MYO1H: variants seen among roughly 807,000 people sequenced by gnomAD.
MYO1H encodes myosin IH.
In MYO1H, 118 loss-of-function variants were observed where a neutral mutation model predicts 149.3. The ratio of observed to expected loss-of-function variants is 0.79; its 90% CI spans 0.68 to 0.92. MYO1H has a LOEUF of 0.92. Among genes scored for constraint, MYO1H ranks in the 40% least tolerant of loss-of-function variants. The probability of loss-of-function intolerance (pLI) is 0.00; values close to 1 mark genes in which losing one functional copy is unlikely to be tolerated. For missense variants in MYO1H, 1,212 were observed against 1,280.7 expected (o/e 0.95, Z 0.82); for synonymous variants, 447 against 465.2 (o/e 0.96, Z 0.50).
At chr12:109,406,178 G>T in intron 8 of MYO1H, 143 bp downstream of exon 8, 1 of 621,694 alleles carries the variant, frequency 1.6e-6, no homozygotes, top group South Asian at 2.0e-5. Context: ...AAAGAGTGGG[G>T]GTTTGAAGGA....
the MYO1H span, among the ~76,000 whole-genome samples, chr12:109,314,270 A>G: frequency 5.1e-5 from 7 of 137,680 alleles, no homozygotes; most frequent in African/African-American, 8.3e-5. Flanking sequence ...CTTGGCTGGT[A>G]TTACTGAATA....
intron 1 of MYO1H, among the ~76,000 whole-genome samples, chr12:109,355,853 G>A (rs991220317): frequency 6.7e-6 from 1 of 150,290 alleles, no homozygotes; most frequent in African/African-American, 2.5e-5. Flanking sequence ...GATTACAGGT[G>A]TGTGCTGCCA....
At chr12:109,348,844 G>A (rs1868396044) in intron 1 of MYO1H, among the ~76,000 whole-genome samples, 1 of 152,200 alleles carries the variant, frequency 6.6e-6, no homozygotes, top group Non-Finnish European at 1.5e-5. Context: ...ATTTATGGAT[G>A]TAGTTAGAAT....
chr12:109,355,244 C>T (rs75131153), intron 1 of MYO1H, among the ~76,000 whole-genome samples: 18,446 of 152,068 alleles, frequency 0.12, 1,255 homozygotes, highest in African/African-American at 0.18. Context: ...TGTATTCACA[C>T]GACTTCAGGG....
intron 17 of MYO1H, among the ~76,000 whole-genome samples, 184 bp downstream of exon 17, chr12:109,425,012 G>A (rs1286394326): frequency 6.6e-6 from 1 of 152,120 alleles, no homozygotes; most frequent in Non-Finnish European, 1.5e-5. Flanking sequence ...CCTCACATCT[G>A]TAATCCCAGC....
the MYO1H span, among the ~76,000 whole-genome samples, chr12:109,324,203 G>A: frequency 1.3e-5 from 2 of 152,184 alleles, no homozygotes; most frequent in Non-Finnish European, 2.9e-5. Context: ...TGACCAGAAT[G>A]CCTACAGGTG....
the MYO1H span, among the ~76,000 whole-genome samples, chr12:109,319,071 A>G: frequency 6.7e-6 from 1 of 148,620 alleles, no homozygotes; most frequent in African/African-American, 2.5e-5. Flanking sequence ...TCCATGTTCT[A>G]AGCGTATACC....
chr12:109,362,692 T>C (rs1868780678), intron 1 of MYO1H, among the ~76,000 whole-genome samples: 1 of 152,198 alleles, frequency 6.6e-6, no homozygotes. Context: ...CTTCTTGGTA[T>C]TTCCGTGTCT....
rs566775898 is a variant in MYO1H at position 109,392,935 on chromosome 12, G to A, written c.175-396G>A. Among the ~76,000 whole-genome samples, 24 of 151,242 alleles carry A rather than the reference G, an allele frequency of 1.6e-4. 1 individual carries two copies. The highest frequency in any genetic ancestry group is 3.4e-4 in the Non-Finnish European group (23 of 67,768). ...AGAGATTCTCCTGCCTCCGCCTCCC[G>A]AGTAACTGGGACTACAGGCATGCAC... is the stretch of plus-strand genomic sequence containing the variant. On this transcript the variant is annotated intron_variant, in intron 2 of 31. Transcript: ENST00000310903.
Position 109,444,575 on chromosome 12 carries a change from T to C in MYO1H, c.2993+46T>C, listed in dbSNP as rs778095986. ...CTCAGGAAGTAATTCAATGTTAAAA[T>C]GTTTATTAAGGCCGAGCGTGGTGGC... On this transcript the variant is annotated intron_variant, in intron 30 of 31. Transcript: ENST00000310903. The C allele has an allele frequency of 1.1e-5, 16 of 1,492,192 alleles. No individual in the cohort carries two copies. In the African/African-American group the frequency reaches 1.9e-4, roughly 18 times the overall value. The allele number at this position is 1,492,192 out of a possible 1,614,324, so 92.4% of individuals were successfully genotyped here.
chr12:109,424,830 T>C lies in MYO1H; in HGVS notation c.1725+2T>C, dbSNP rs751373749. The C allele has an allele frequency of 3.7e-6, 6 of 1,613,260 alleles. No individual in the cohort carries two copies. Among genetic ancestry groups the C allele is most frequent in the Non-Finnish European group, 5.1e-6 (6 of 1,179,400 alleles). ...GAAAACCGGAGGAGGCCCCCAACAG[T>C]GAGTGGGAAAAACACCCATGCAAAA... is the stretch of plus-strand genomic sequence containing the variant. On this transcript the variant is annotated splice_donor_variant, in intron 17 of 31. Transcript: ENST00000310903. LOFTEE classifies it high-confidence loss of function.
chr12:109,335,095 G>A, the MYO1H span, among the ~76,000 whole-genome samples: 16 of 152,202 alleles, frequency 1.1e-4, no homozygotes, highest in East Asian at 3.9e-4. Context: ...GCGATACTTC[G>A]CTCCTTTTCA....
chr12:109,344,407 C>T (rs76945296), upstream of MYO1H, among the ~76,000 whole-genome samples: 29,470 of 152,030 alleles, frequency 0.19, 4,350 homozygotes, highest in African/African-American at 0.41. Flanking sequence ...GAATAAAATA[C>T]TTAGGAATAA....
chr12:109,340,208 C>T, the MYO1H span, among the ~76,000 whole-genome samples: 4 of 152,132 alleles, frequency 2.6e-5, no homozygotes, highest in Non-Finnish European at 4.4e-5. Context: ...TGGAATCTTG[C>T]TCTGTTGCCC....
At chr12:109,417,060 AC>A (rs1000298379) in intron 15 of MYO1H, among the ~76,000 whole-genome samples, 4 of 151,846 alleles carry the variant, frequency 2.6e-5, no homozygotes. Context: ...AGTCCCAGCT[AC>A]TTGGGAGGCC....
rs150949034 is a variant in MYO1H, at chr12:109,360,337, T to G, written c.12+12365T>G. Reference sequence around the variant, plus strand: ...TGACAAAATTAATGGGAGTTTCTGGTGCCTCGTGAATCAATGCAGAGATGT... The same window carrying G: ...TGACAAAATTAATGGGAGTTTCTGGGGCCTCGTGAATCAATGCAGAGATGT... On this transcript the variant is annotated intron_variant, in intron 1 of 31. Coordinates refer to ENST00000310903, the Ensembl canonical transcript of MYO1H. Among the ~76,000 whole-genome samples, 308 of 152,258 alleles carry G rather than the reference T, an allele frequency of 2.0e-3. 1 individual carries two copies. The highest frequency in any genetic ancestry group is 7.2e-3 in the African/African-American group (300 of 41,536).
intron 8 of MYO1H, among the ~76,000 whole-genome samples, chr12:109,406,493 AAAAAAAAT>A (rs1436114698): frequency 7.7e-5 from 11 of 142,696 alleles, no homozygotes; most frequent in African/African-American, 2.9e-4. Context: ...AAAAAAAAAA[AAAAAAAAT>A]TAGCTATGAA....
At chr12:109,431,275 G>C (rs534415172) in intron 19 of MYO1H, among the ~76,000 whole-genome samples, 1 of 149,348 alleles carries the variant, frequency 6.7e-6, no homozygotes, top group East Asian at 2.1e-4. Flanking sequence ...AGCTACTCGG[G>C]AGGCTGAGGC....
At position 109,384,907 on chromosome 12, in the gene MYO1H, C is replaced by T. The variant is rs1869270828; in HGVS notation, c.13-3776C>T. ...AGACATTATTTCAGACACCAACCCA[C>T]CTCCAATTTAATAGAGGCTCATTGA... On this transcript the variant is annotated intron_variant, in intron 1 of 31. Transcript: ENST00000310903. Among the ~76,000 whole-genome samples the T allele has an allele frequency of 1.3e-5, 2 of 152,192 alleles. 1 individual carries two copies. Among genetic ancestry groups the T allele is most frequent in the South Asian group, 4.1e-4 (2 of 4,826 alleles).
Sources: allele counts gnomAD v4.1 joint callset (sites outside exome capture counted in the v4.1 genomes callset), GRCh38; gene constraint gnomAD v4.1.1; transcripts MANE v1.5; gene names NCBI Gene and HGNC (gene_info 2026-07-23, HGNC 2026-07-21).